The following PRX variants were observed in gnomAD, a reference collection of about 807,000 sequenced individuals.
PRX encodes the protein periaxin.
In PRX, 24 loss-of-function variants were observed where a neutral mutation model predicts 29.6. The observed-to-expected ratio is 0.81, with a 90% CI of 0.59 to 1.14. The LOEUF (loss-of-function observed/expected upper bound fraction) is 1.14. PRX is among the 50% of genes most tolerant of loss of function. The pLI, the probability that PRX is intolerant of heterozygous loss-of-function variation, is 0.00. For missense variants in PRX, 1,838 were observed against 1,926.4 expected, an observed-to-expected ratio of 0.95 and a Z score of 0.86; for synonymous variants, 772 against 831.7, an observed-to-expected ratio of 0.93 and a Z score of 1.24.
chr19:40,394,369 C>T lies in PRX; in HGVS notation c.3983G>A (p.Ser1328Asn). Residue 1328 changes from serine (S) to asparagine (N), a missense_variant, in exon 7 of 7, where the codon AGC becomes AAC. Around this residue, in one of 3 missense-constraint regions of PRX, gnomAD observed 1,143 missense variants for 1,193.0 expected, o/e 0.96. Coordinates refer to ENST00000324001, the MANE Select transcript of PRX (RefSeq NM_181882.3). The surrounding 1 kb of genome is among the most constrained non-coding windows in gnomAD (Gnocchi z 5.8). ...EGAEEGEKAK[S>N]PKLRLPRVGF... is the part of the protein sequence containing the mutation. ...CACTCGGGGCAGCCTGAGTTTGGGG[C>T]TCTTGGCCTTCTCACCCTCCTCGGC... The T allele has an allele frequency of 6.2e-7, 1 of 1,603,230 alleles. No individual in the cohort carries two copies. The highest frequency in any genetic ancestry group is 1.7e-4 in the Middle Eastern group (1 of 6,050).
chr19:40,393,933 A>C lies in PRX; in HGVS notation c.*33T>G. 1 of 1,605,850 alleles carries C rather than the reference A, an allele frequency of 6.2e-7. No individual in the cohort carries two copies. The highest frequency in any genetic ancestry group is 8.5e-7 in the Non-Finnish European group (1 of 1,179,640). ...CAACAGCGAGGGGGTAGAGAAAGGA[A>C]GGCAAGAAGGGATCCCCATCTGACT... On this transcript the variant is annotated 3_prime_UTR_variant, in exon 7 of 7. Transcript: ENST00000324001.
At position 40,397,276 on chromosome 19, in the gene PRX, C is replaced by T. The variant is rs759512054; in HGVS notation, c.1076G>A (p.Arg359His). 17 of 1,613,486 alleles carry T rather than the reference C, an allele frequency of 1.1e-5. No individual in the cohort carries two copies. Among genetic ancestry groups the T allele is most frequent in the African/African-American group, 5.3e-5 (4 of 74,948 alleles). The stretch of plus-strand genomic sequence containing the variant: ...AGCCCCAAATCGGGGAAAACTAAGG[C>T]GGGGCATCTTCAGGGCCACCTCAGG... The part of the protein sequence containing the change: ...EAPEVALKMP[R>H]LSFPRFGARA... Residue 359 changes from arginine to histidine, a missense_variant, in exon 7 of 7, where the codon CGC becomes CAC. Coordinates refer to ENST00000324001, the MANE Select transcript of PRX (RefSeq NM_181882.3).
intron 5 of PRX, among the ~76,000 whole-genome samples, chr19:40,399,049 CT>C (rs2079469780): frequency 1.3e-5 from 2 of 152,120 alleles, no homozygotes; most frequent in South Asian, 4.1e-4. Flanking sequence ...CACCTTGTCG[CT>C]CCCCTACCCA....
In PRX at chr19:40,395,598, C is replaced by T. The variant is rs531650268; in HGVS notation, c.2754G>A (p.Leu918=). Residue 918 remains leucine (L), a synonymous_variant, in exon 7 of 7, where the codon CTG becomes CTA. Coordinates refer to ENST00000324001, the MANE Select transcript of PRX (RefSeq NM_181882.3). ...LPAVEIEEGR[L]EMIETKVKPS... is the part of the protein sequence containing the mutation. ...GCTTGACTTTTGTCTCTATCATCTC[C>T]AGCCGCCCTTCCTCAATTTCCACGG... 6.2e-7 allele frequency: 1 copy of T among 1,614,198 alleles called. No homozygotes were observed. Among genetic ancestry groups the T allele is most frequent in the Admixed American group, 1.7e-5 (1 of 60,030 alleles).
rs778707867 is a variant in PRX, at chr19:40,394,928, C to T, written c.3424G>A (p.Gly1142Arg). Reference protein sequence around the residue: ...GQVVTEGHDAGLRMPPLGISL... With the variant: ...GQVVTEGHDARLRMPPLGISL... ...ATGCCCAGCGGAGGCATCCTCAGCC[C>T]CGCGTCATGGCCCTCAGTGACCACC... The change falls in exon 7 of 7, where the codon GGG (glycine) becomes AGG (arginine). Residue 1142 changes from glycine (G) to arginine (R), a missense_variant. Gly to Arg is a moderately radical substitution (Grantham distance 125, BLOSUM62 -2). Around this residue, in one of 3 missense-constraint regions of PRX, gnomAD observed 1,143 missense variants for 1,193.0 expected, o/e 0.96. Coordinates refer to ENST00000324001, the MANE Select transcript of PRX (RefSeq NM_181882.3). The surrounding 1 kb of genome is among the most constrained non-coding windows in gnomAD (Gnocchi z 5.8). 2.5e-6 allele frequency: 4 copies of T among 1,609,694 alleles called. No homozygotes were observed. The highest frequency in any genetic ancestry group is 3.4e-6 in the Non-Finnish European group (4 of 1,179,724).
chr19:40,399,887 CTTTCTT>C (rs1555801745), intron 5 of PRX, among the ~76,000 whole-genome samples: 8 of 74,038 alleles, frequency 1.1e-4, no homozygotes, highest in Non-Finnish European at 1.7e-4. Context: ...TTCTTTCTTT[CTTTCTT>C]TCTTTCTTTC....
rs1486029743 is a variant in PRX, at chr19:40,394,172, C to T, written c.4180G>A (p.Glu1394Lys). 5 of 1,587,556 alleles carry T rather than the reference C, an allele frequency of 3.1e-6. No homozygotes were observed. Among genetic ancestry groups the T allele is most frequent in the Non-Finnish European group, 4.3e-6 (5 of 1,163,968 alleles). ...AAPSKASRGQ[E>K]GDAAPKSPVR... ...GGGGACTTGGGGGCTGCATCGCCCT[C>T]CTGCCCCCGAGAGGCTTTAGAAGGG... Residue 1394 changes from glutamate to lysine, a missense_variant, in exon 7 of 7, where the codon GAG becomes AAG. Glu to Lys is a moderately conservative substitution (Grantham distance 56). Coordinates refer to ENST00000324001, the MANE Select transcript of PRX (RefSeq NM_181882.3). The surrounding 1 kb of genome is among the most constrained non-coding windows in gnomAD (Gnocchi z 5.8).
chr19:40,396,382 A>G lies in PRX; in HGVS notation c.1970T>C (p.Val657Ala). 1 of 1,613,468 alleles carries G rather than the reference A, an allele frequency of 6.2e-7. No individual in the cohort carries two copies. Among genetic ancestry groups the G allele is most frequent in the South Asian group, 1.1e-5 (1 of 91,046 alleles). Residue 657 changes from valine to alanine, a missense_variant, in exon 7 of 7, where the codon GTG (valine) becomes GCG (alanine). Physicochemically the swap from Val to Ala is moderately conservative, Grantham distance 64 (BLOSUM62 0). Around this residue, in one of 3 missense-constraint regions of PRX, gnomAD observed 1,143 missense variants for 1,193.0 expected, o/e 0.96. Coordinates refer to ENST00000324001, the MANE Select transcript of PRX (RefSeq NM_181882.3). ...CATCTCTGGGACTTTCGGGAGCTGC[A>G]CTTCCGGGAGGTGCACATCGGGCAC... ...MAVPDVHLPE[V>A]QLPKVPEMKL...
chr19:40,395,091 A>G lies in PRX; in HGVS notation c.3261T>C (p.Ala1087=), dbSNP rs1412558420. Reference sequence around the variant, plus strand: ...TCTTAAGCTGCACAGCGGTGGACTCAGCCTTTTCCCCCGGGCTGGCACGAT... The same window carrying G: ...TCTTAAGCTGCACAGCGGTGGACTCGGCCTTTTCCCCCGGGCTGGCACGAT... ...QGDRASPGEK[A]ESTAVQLKIP... The change falls in exon 7 of 7, where the codon GCT becomes GCC. Residue 1087 remains alanine (A), a synonymous_variant. Coordinates refer to ENST00000324001, the MANE Select transcript of PRX (RefSeq NM_181882.3). The G allele has an allele frequency of 2.5e-6, 4 of 1,613,564 alleles. No homozygotes were observed. Among genetic ancestry groups the G allele is most frequent in the Non-Finnish European group, 3.4e-6 (4 of 1,180,006 alleles).
Position 40,403,688 on chromosome 19 carries a change from C to A in PRX, c.184+18G>T. 6.5e-7 allele frequency: 1 copy of A among 1,537,660 alleles called. No individual in the cohort carries two copies. The highest frequency in any genetic ancestry group is 8.8e-7 in the Non-Finnish European group (1 of 1,140,408). ...GCCCCCGCAGTTCGACCCCGCCCCA[C>A]ACCCCGGGCCCGCCCACCTTCCTGC... On this transcript the variant is annotated intron_variant, in intron 5 of 6. Transcript: ENST00000324001.
chr19:40,414,037 T>G (rs981040100), upstream of PRX, among the ~76,000 whole-genome samples: 1 of 152,202 alleles, frequency 6.6e-6, no homozygotes, highest in African/African-American at 2.4e-5. Flanking sequence ...AGTTACTGTT[T>G]AGGGGGACAC....
chr19:40,414,403 C>T (rs760423498), upstream of PRX, among the ~76,000 whole-genome samples: 5 of 152,308 alleles, frequency 3.3e-5, no homozygotes, highest in African/African-American at 9.6e-5. Context: ...GGATTACAGG[C>T]GTGAGCCACC....
intron 4 of PRX, among the ~76,000 whole-genome samples, chr19:40,405,081 C>T (rs573088815): frequency 2.0e-5 from 3 of 152,006 alleles, no homozygotes; most frequent in Non-Finnish European, 2.9e-5. Flanking sequence ...TTCAATGACC[C>T]GAAGACCTGT....
chr19:40,402,283 G>A (rs2079500502), intron 5 of PRX, among the ~76,000 whole-genome samples: 1 of 152,004 alleles, frequency 6.6e-6, no homozygotes, highest in Non-Finnish European at 1.5e-5. Context: ...GAACACGGGA[G>A]GCGGAGCTTG....
chr19:40,402,309 G>A (rs918955450), intron 5 of PRX, among the ~76,000 whole-genome samples: 2 of 151,768 alleles, frequency 1.3e-5, no homozygotes, highest in South Asian at 2.1e-4. Flanking sequence ...AGCCGAGATC[G>A]TGCCACTGCA....
chr19:40,398,629 C>A lies in PRX; in HGVS notation c.372G>T (p.Val124=). The change falls in exon 6 of 7, where the codon GTG becomes GTT. Residue 124 remains valine, a synonymous_variant. Coordinates refer to ENST00000324001, the MANE Select transcript of PRX (RefSeq NM_181882.3). This position sits in a 1 kb window ranked among gnomAD's most constrained non-coding sequence, Gnocchi z 6.3. ...GYEIKGPRAK[V]AKLNIQSLSP... ...GGCTAAGCACGCGTACCAGCTTGGC[C>A]ACCTTGGCCCGCGGGCCCTTGATCT... The A allele has an allele frequency of 6.2e-7, 1 of 1,613,470 alleles. No individual in the cohort carries two copies. Among genetic ancestry groups the A allele is most frequent in the African/African-American group, 1.3e-5 (1 of 74,974 alleles).
Position 40,397,545 on chromosome 19 carries a change from G to C in PRX, c.807C>G (p.His269Gln). ...GGGCTCCGAGCCCAAGGGTTGGCAG[G>C]TGGAGGGCAAAGCCACCAGCTGCCT... ...SAEAAGGFAL[H>Q]LPTLGLGAPA... Residue 269 changes from histidine (H) to glutamine (Q), a missense_variant, in exon 7 of 7, where the codon CAC becomes CAG. Coordinates refer to ENST00000324001, the MANE Select transcript of PRX (RefSeq NM_181882.3). The C allele has an allele frequency of 2.5e-5, 38 of 1,541,916 alleles. No individual in the cohort carries two copies. Among genetic ancestry groups the C allele is most frequent in the Non-Finnish European group, 3.2e-5 (37 of 1,145,484 alleles).
At chr19:40,409,054 G>A (rs1031696160) in intron 1 of PRX, among the ~76,000 whole-genome samples, 41 of 151,944 alleles carry the variant, frequency 2.7e-4, no homozygotes, top group African/African-American at 9.9e-4. Flanking sequence ...GTTTCACCAT[G>A]CTGGCCAGGC....
intron 5 of PRX, among the ~76,000 whole-genome samples, chr19:40,401,951 G>A (rs1002568043): frequency 2.0e-5 from 3 of 151,882 alleles, no homozygotes; most frequent in South Asian, 2.1e-4. Flanking sequence ...ACAGAGTTTC[G>A]CCATATTGGC....
Sources: gnomAD v4.1 joint callset for allele counts (sites outside exome capture counted in the v4.1 genomes callset) on GRCh38, gnomAD v4.1.1 for gene constraint, gnomAD v4.1.1 regional missense constraint, Gnocchi (gnomAD v3.1) non-coding constraint, MANE v1.5 for transcripts, NCBI Gene and HGNC (gene_info 2026-07-23, HGNC 2026-07-21) for gene names.